Variants in YBEY observed in about 807,000 individuals in gnomAD.
YBEY encodes the protein ybeY metalloendoribonuclease.
In YBEY, 15 loss-of-function variants were observed where a neutral mutation model predicts 13.5. The ratio of observed to expected loss-of-function variants is 1.11; its 90% confidence interval spans 0.75 to 1.72. YBEY has a LOEUF of 1.72. Ranked by LOEUF, YBEY falls within the 40% of genes most tolerant of loss-of-function variation. YBEY has a pLI of 0.00. For synonymous variants in YBEY, 101 were observed against 83.1 expected, an observed-to-expected ratio of 1.21 and a Z score of -1.17; for missense variants, 244 against 208.4, an observed-to-expected ratio of 1.17 and a Z score of -1.05.
chr21:46,291,685 C>A, intron 3 of YBEY: 1 of 1,317,822 alleles, frequency 7.6e-7, no homozygotes, highest in South Asian at 1.8e-5. Flanking sequence ...AACACAGAAG[C>A]TCCCAGAGAA....
downstream of YBEY, chr21:46,301,022 A>G: frequency 3.0e-6 from 3 of 992,462 alleles, no homozygotes; most frequent in Non-Finnish European, 3.8e-6. Flanking sequence ...TTTGCTTTAC[A>G]GGAACAAGAG....
At chr21:46,288,308 C>G (rs2081549801) in intron 2 of YBEY, among the ~76,000 whole-genome samples, 1 of 152,224 alleles carries the variant, frequency 6.6e-6, no homozygotes, top group African/African-American at 2.4e-5. Context: ...TGGAGCAATC[C>G]TTTGGGAAAG....
At chr21:46,300,937 G>A, downstream of YBEY, 2 of 803,492 alleles carry the variant, frequency 2.5e-6, no homozygotes, top group Non-Finnish European at 3.4e-6. Context: ...CTGTCCACAT[G>A]GTAAGAAACC....
Position 46,287,561 on chromosome 21 carries a change from T to G in YBEY, c.210+438T>G, listed in dbSNP as rs181950917. Among the ~76,000 whole-genome samples the G allele has an allele frequency of 3.7e-4, 56 of 152,294 alleles. No individual in the cohort carries two copies. In the East Asian group the frequency reaches 4.4e-3, roughly 12 times the overall value. On this transcript the variant is annotated intron_variant, in intron 2 of 4. Coordinates refer to ENST00000397701, the MANE Select transcript of YBEY (RefSeq NM_001314025.2). ...TCCATGGTGCCTATAAGTATATATG[T>G]TACAGACATGATTTTTAATTTTAAT...
At chr21:46,301,743 G>T, downstream of YBEY, 1 of 1,215,114 alleles carries the variant, frequency 8.2e-7, no homozygotes, top group Non-Finnish European at 1.0e-6. Context: ...CCTGGGAGGG[G>T]CTGTTGCCCT....
At chr21:46,312,254 C>T in the YBEY span, among the ~76,000 whole-genome samples, 17 of 152,238 alleles carry the variant, frequency 1.1e-4, no homozygotes, top group South Asian at 6.2e-4. Context: ...CTGTCTTTAG[C>T]GGGGTGGGCT....
chr21:46,291,202 A>AC, intron 2 of YBEY, 132 bp from the exon 3 acceptor site: 1 of 1,062,104 alleles, frequency 9.4e-7, no homozygotes, highest in Non-Finnish European at 1.2e-6. Context: ...CGTCTCAAAA[A>AC]AAAAAAAAAA....
At chr21:46,298,399 G>T (rs182176712), downstream of YBEY, among the ~76,000 whole-genome samples, 1 of 150,448 alleles carries the variant, frequency 6.6e-6, no homozygotes, top group South Asian at 2.1e-4. Flanking sequence ...AAAAGTACTC[G>T]TGAAAACAGA....
chr21:46,310,245 G>C, the YBEY span, among the ~76,000 whole-genome samples: 2 of 152,102 alleles, frequency 1.3e-5, no homozygotes, highest in African/African-American at 4.8e-5. Flanking sequence ...GGGAGGCCAA[G>C]GCGGGTGGAT....
At chr21:46,296,282 TC>T (rs777513099) in intron 4 of YBEY, 52 bp downstream of exon 4, 2 of 1,602,876 alleles carry the variant, frequency 1.2e-6, no homozygotes, top group Admixed American at 1.7e-5. Context: ...GGAAGGAGGC[TC>T]CCCCAGGCCC....
the YBEY span, chr21:46,311,411 A>T: frequency 1.6e-5 from 19 of 1,156,334 alleles, no homozygotes; most frequent in Non-Finnish European, 2.3e-5. Context: ...CCCTTTCAGT[A>T]GATAATTTCC....
chr21:46,310,856 T>C, the YBEY span, among the ~76,000 whole-genome samples: 1 of 151,328 alleles, frequency 6.6e-6, no homozygotes, highest in South Asian at 2.1e-4. Context: ...AAATCAAGTA[T>C]TTAAAAGCTA....
At chr21:46,298,433 G>GGTTTTTTTTTTTTTTTTTTT (rs1569107101), downstream of YBEY, among the ~76,000 whole-genome samples, 1 of 67,238 alleles carries the variant, frequency 1.5e-5, no homozygotes, top group Non-Finnish European at 3.6e-5. Context: ...TTTAATCCAA[G>GGTTTTTTTTTTTTTTTTTTT]CTTTTTTTTT....
intron 4 of YBEY, among the ~76,000 whole-genome samples, chr21:46,296,865 A>G (rs2081969469): frequency 6.6e-6 from 1 of 151,916 alleles, no homozygotes; most frequent in South Asian, 2.1e-4. Flanking sequence ...CTGGTGGTGC[A>G]TGCCTGTAAT....
At chr21:46,302,116 G>A (rs1397666195), downstream of YBEY, 2 of 1,522,652 alleles carry the variant, frequency 1.3e-6, no homozygotes, top group Admixed American at 2.1e-5. Context: ...GCCTTGGCCT[G>A]GCAGCTCGTG....
chr21:46,312,539 G>A, the YBEY span, among the ~76,000 whole-genome samples: 5 of 151,860 alleles, frequency 3.3e-5, no homozygotes, highest in South Asian at 2.1e-4. Flanking sequence ...GGCTGGTCTC[G>A]AACTCCTGAC....
downstream of YBEY, chr21:46,302,274 T>C: frequency 2.8e-6 from 4 of 1,420,848 alleles, no homozygotes; most frequent in Non-Finnish European, 3.7e-6. Context: ...GGTCTAAGCA[T>C]CCTCCCAGAG....
chr21:46,303,731 A>ATT, the YBEY span, among the ~76,000 whole-genome samples: 1 of 28,432 alleles, frequency 3.5e-5, no homozygotes. Context: ...ATATATATAT[A>ATT]TATATATATA....
downstream of YBEY, chr21:46,297,816 G>T (rs2082002043): frequency 5.0e-6 from 6 of 1,206,118 alleles, no homozygotes; most frequent in African/African-American, 3.1e-5. Context: ...TCGAGAGGGC[G>T]TCTGGAGTTC....
Sources: gnomAD v4.1 joint callset for allele counts (sites outside exome capture counted in the v4.1 genomes callset) on GRCh38, gnomAD v4.1.1 for gene constraint, MANE v1.5 for transcripts, NCBI Gene and HGNC (gene_info 2026-07-23, HGNC 2026-07-21) for gene names.